MYO5B: variants seen among roughly 807,000 people sequenced by gnomAD.
The protein encoded by MYO5B is myosin VB.
MYO5B carries 143 observed loss-of-function variants against 229.3 expected under a neutral mutation model. The observed-to-expected ratio is 0.62, with a 90% confidence interval of 0.54 to 0.72. MYO5B has a LOEUF of 0.72. MYO5B is among the 30% of genes least tolerant of loss of function. MYO5B has a pLI of 0.00. For missense variants in MYO5B, 2,321 were observed against 2,331.0 expected, an observed-to-expected ratio of 1.00 and a Z score of 0.09; for synonymous variants, 918 against 885.2, an observed-to-expected ratio of 1.04 and a Z score of -0.66.
intron 16 of MYO5B, 91 bp from the exon 17 acceptor site, chr18:49,929,689 G>GCAGGTACTTCA: frequency 5.3e-6 from 6 of 1,140,284 alleles, no homozygotes; most frequent in Non-Finnish European, 6.4e-6. Context: ...TTTTCCTGCA[G>GCAGGTACTTCA]CATGTGAAGT....
intron 1 of MYO5B, among the ~76,000 whole-genome samples, chr18:50,179,526 G>T (rs929045693): frequency 6.6e-6 from 1 of 152,148 alleles, no homozygotes; most frequent in Non-Finnish European, 1.5e-5. Flanking sequence ...CAGGGACAAC[G>T]GTGCATAGTG....
chr18:50,019,234 T>C (rs1477744358), intron 4 of MYO5B, among the ~76,000 whole-genome samples: 2 of 152,186 alleles, frequency 1.3e-5, no homozygotes, highest in African/African-American at 2.4e-5. Context: ...TATAAACGCA[T>C]AGAAGTCACA....
At chr18:49,897,234 C>T (rs4939915) in intron 21 of MYO5B, among the ~76,000 whole-genome samples, 9,096 of 152,166 alleles carry the variant, frequency 0.06, 601 homozygotes, top group African/African-American at 0.16. Context: ...AGCCATGCAG[C>T]CAAGCCTGGC....
rs959720800 is a variant in MYO5B, at chr18:50,183,337, A to C, written c.27+11430T>G. Among the ~76,000 whole-genome samples the C allele has an allele frequency of 2.2e-4, 31 of 139,828 alleles. 1 individual carries two copies. Among genetic ancestry groups the C allele is most frequent in the African/African-American group, 7.2e-4 (26 of 36,240 alleles). 91.7% of individuals were successfully genotyped at this position (139,828 alleles called of 152,430 possible). On this transcript the variant is annotated intron_variant, in intron 1 of 39. Transcript: ENST00000285039. The stretch of plus-strand genomic sequence containing the variant: ...TATATATATATATATATATATATAT[A>C]TCTCCTTCAATACTATTCATTTTGT...
rs561069765 is a variant in MYO5B at position 50,092,350 on chromosome 18, T to C, written c.28-36972A>G. Among the ~76,000 whole-genome samples, 6 of 152,226 alleles carry C rather than the reference T, an allele frequency of 3.9e-5. 1 individual carries two copies. Among genetic ancestry groups the C allele is most frequent in the Non-Finnish European group, 7.4e-5 (5 of 68,020 alleles). On this transcript the variant is annotated intron_variant, in intron 1 of 39. Transcript: ENST00000285039. Reference sequence around the variant, plus strand: ...TAAAAGGAAGAATGGGTCTTGCATTTGAAAAGTGAGCACAGGGGATTACAA... The same window carrying C: ...TAAAAGGAAGAATGGGTCTTGCATTCGAAAAGTGAGCACAGGGGATTACAA...
chr18:49,936,398 G>A (rs768258582), intron 15 of MYO5B, 49 bp from the exon 16 acceptor site: 1 of 1,354,272 alleles, frequency 7.4e-7, no homozygotes. Context: ...AGTCGTGGAT[G>A]TGTGATAAAG....
At chr18:50,016,717 T>C (rs925335584) in intron 4 of MYO5B, among the ~76,000 whole-genome samples, 1 of 152,150 alleles carries the variant, frequency 6.6e-6, no homozygotes, top group Admixed American at 6.5e-5. Flanking sequence ...TCAAAGGTGC[T>C]TACAGAGTTG....
chr18:50,145,209 C>T lies in MYO5B; in HGVS notation c.27+49558G>A, dbSNP rs1347608769. On this transcript the variant is annotated intron_variant, in intron 1 of 39. Coordinates refer to ENST00000285039, the MANE Select transcript of MYO5B (RefSeq NM_001080467.3). Reference sequence around the variant, plus strand: ...AGTTTTAAGAGCAGCAATTCTCAGCCGGGTGCAGCTCCTCATGCCTGCAAT... The same window carrying T: ...AGTTTTAAGAGCAGCAATTCTCAGCTGGGTGCAGCTCCTCATGCCTGCAAT... Among the ~76,000 whole-genome samples, 7 of 152,058 alleles carry T rather than the reference C, an allele frequency of 4.6e-5. No homozygotes were observed. The East Asian group carries it at 5.8e-4, about 13-fold the overall frequency.
rs770088151 is a variant in MYO5B at position 49,895,119 on chromosome 18, G to A, written c.2867C>T (p.Thr956Ile). Residue 956 changes from threonine to isoleucine, a missense_variant, in exon 22 of 40, where the codon ACC becomes ATC. This residue lies in a region of MYO5B where 2,113 missense variants were observed against 2,044.7 expected (regional missense o/e 1.03). Coordinates refer to ENST00000285039, the MANE Select transcript of MYO5B (RefSeq NM_001080467.3). ...CTTCTTCAGCCGCTCTACCTCCATG[G>A]TGTATGTTGAGGTGGTCACGGACAA... ...EQLSVTTSTYTMEVERLKKEL... is the reference protein window; with the variant it reads ...EQLSVTTSTYIMEVERLKKEL... The A allele has an allele frequency of 6.2e-7, 1 of 1,614,152 alleles. No individual in the cohort carries two copies. Among genetic ancestry groups the A allele is most frequent in the Non-Finnish European group, 8.5e-7 (1 of 1,180,034 alleles).
chr18:49,841,865 G>T (rs951746608), intron 34 of MYO5B, among the ~76,000 whole-genome samples: 1 of 152,194 alleles, frequency 6.6e-6, no homozygotes, highest in African/African-American at 2.4e-5. Context: ...ATGCTGAAGA[G>T]CATAACAGCA....
chr18:49,953,883 T>A (rs2025455403), intron 13 of MYO5B, among the ~76,000 whole-genome samples: 1 of 131,536 alleles, frequency 7.6e-6, no homozygotes, highest in Admixed American at 8.0e-5. Flanking sequence ...TTAGAATTTA[T>A]ATATACATAT....
intron 26 of MYO5B, among the ~76,000 whole-genome samples, chr18:49,874,738 G>T (rs555196173): frequency 6.6e-6 from 1 of 152,100 alleles, no homozygotes; most frequent in African/African-American, 2.4e-5. Context: ...CATACCAAAG[G>T]CCTTTTTCAA....
chr18:50,015,430 T>C (rs1008765432), intron 4 of MYO5B, among the ~76,000 whole-genome samples: 16 of 152,250 alleles, frequency 1.1e-4, no homozygotes, highest in African/African-American at 3.9e-4. Context: ...ATTCTGGGTG[T>C]TCCTTTAATA....
At position 49,882,767 on chromosome 18, in the gene MYO5B, C is replaced by T. The variant is rs561304100; in HGVS notation, c.3046-2312G>A. Among the ~76,000 whole-genome samples, 28 of 151,928 alleles carry T rather than the reference C, an allele frequency of 1.8e-4. No homozygotes were observed. In the South Asian group the frequency reaches 4.2e-3, roughly 23 times the overall value. ...TGTAGATGGTTCTACATTACTCTTA[C>T]TGGGCATGAAATGGAAATACACACT... On this transcript the variant is annotated intron_variant, in intron 22 of 39. Coordinates refer to ENST00000285039, the MANE Select transcript of MYO5B (RefSeq NM_001080467.3).
chr18:49,957,142 C>CAAAAAAAAAAAAAAAAA (rs71169467), intron 12 of MYO5B, among the ~76,000 whole-genome samples: 9 of 58,710 alleles, frequency 1.5e-4, no homozygotes, highest in African/African-American at 2.4e-4. Context: ...AATAAAGTAG[C>CAAAAAAAAAAAAAAAAA]AAAAAAAAAA....
At chr18:49,902,963 G>T (rs987749070) in intron 20 of MYO5B, 130 bp from the exon 21 acceptor site, 2 of 1,174,228 alleles carry the variant, frequency 1.7e-6, no homozygotes, top group Non-Finnish European at 2.4e-6. Flanking sequence ...CAGACAATGT[G>T]CCCCCTAAGA....
At chr18:49,894,280 TG>T (rs1179922498) in intron 22 of MYO5B, among the ~76,000 whole-genome samples, 1 of 116,352 alleles carries the variant, frequency 8.6e-6, no homozygotes, top group African/African-American at 3.2e-5. Context: ...GAGATGGTGG[TG>T]GGAGGGGGGG....
At chr18:50,117,380 A>G (rs963616649) in intron 1 of MYO5B, among the ~76,000 whole-genome samples, 2 of 152,164 alleles carry the variant, frequency 1.3e-5, no homozygotes, top group Admixed American at 1.3e-4. Context: ...AGCCTGTCTA[A>G]GGCCTGGAAC....
At chr18:50,070,028 T>A (rs1016964768) in intron 1 of MYO5B, among the ~76,000 whole-genome samples, 5 of 148,908 alleles carry the variant, frequency 3.4e-5, no homozygotes, top group Non-Finnish European at 7.4e-5. Context: ...CTTTTTTTTT[T>A]TTTTTTTTTT....
Sources: gnomAD v4.1 joint callset for allele counts (sites outside exome capture counted in the v4.1 genomes callset) on GRCh38, gnomAD v4.1.1 for gene constraint, gnomAD v4.1.1 regional missense constraint, MANE v1.5 for transcripts, NCBI Gene and HGNC (gene_info 2026-07-23, HGNC 2026-07-21) for gene names.